The following DPPA2 variants were observed in gnomAD, a reference collection of about 807,000 sequenced individuals.
DPPA2 encodes developmental pluripotency associated 2.
In DPPA2, 26 loss-of-function variants were observed where a neutral mutation model predicts 36.2. The observed-to-expected ratio is 0.72, with a 90% CI of 0.53 to 1.00. The LOEUF (loss-of-function observed/expected upper bound fraction) is 1.00, where lower values mean the gene tolerates loss of function less well. Among genes scored for constraint, DPPA2 ranks in the 50% least tolerant of loss-of-function variants. The pLI, the probability that DPPA2 is intolerant of heterozygous loss-of-function variation, is 0.00. For synonymous variants in DPPA2, 113 were observed against 123.2 expected (o/e 0.92, Z 0.55); for missense variants, 361 against 365.1 (o/e 0.99, Z 0.09).
At chr3:109,302,127 G>A (rs1321075141) in intron 7 of DPPA2, among the ~76,000 whole-genome samples, 9 of 151,988 alleles carry the variant, frequency 5.9e-5, no homozygotes, top group South Asian at 2.1e-4. Context: ...CCACTGATAC[G>A]CTGATTATCT....
intron 7 of DPPA2, among the ~76,000 whole-genome samples, chr3:109,303,752 A>C (rs1707500297): frequency 6.6e-6 from 1 of 152,166 alleles, no homozygotes; most frequent in Non-Finnish European, 1.5e-5. Context: ...TTAAAAACTC[A>C]AATGTGTGTT....
intron 1 of DPPA2, among the ~76,000 whole-genome samples, chr3:109,315,906 T>C (rs1316558720): frequency 2.0e-5 from 3 of 151,752 alleles, no homozygotes; most frequent in Non-Finnish European, 4.4e-5. Context: ...AAGAAAAAAA[T>C]GTAGTCTGAA....
intron 5 of DPPA2, 68 bp downstream of exon 5, chr3:109,308,958 C>T (rs1157099864): frequency 4.6e-5 from 72 of 1,571,390 alleles, no homozygotes; most frequent in Middle Eastern, 1.9e-4. Flanking sequence ...AGATATGGTG[C>T]GACGGTAGGG....
At chr3:109,294,786 A>C (rs981887590) in intron 8 of DPPA2, among the ~76,000 whole-genome samples, 2 of 152,100 alleles carry the variant, frequency 1.3e-5, no homozygotes, top group Non-Finnish European at 2.9e-5. Context: ...CACTTTGGGA[A>C]ACCGAGGTGG....
rs1206597447 is a variant in DPPA2, at chr3:109,312,526, G to C, written c.181+19C>G. On this transcript the variant is annotated intron_variant, in intron 3 of 8. Transcript: ENST00000478945. ...CAGAGTTGTAGGAGTAACTAACTGA[G>C]CAATCCCTGTCCTCATACCTGGATT... 6.2e-7 allele frequency: 1 copy of C among 1,601,256 alleles called. No individual in the cohort carries two copies.
chr3:109,301,127 G>T (rs1248795002), intron 7 of DPPA2, among the ~76,000 whole-genome samples: 1 of 151,650 alleles, frequency 6.6e-6, no homozygotes, highest in Non-Finnish European at 1.5e-5. Context: ...GGGACCACAG[G>T]TGCATGCCAC....
At chr3:109,304,216 T>G (rs1707507602) in intron 7 of DPPA2, among the ~76,000 whole-genome samples, 1 of 151,336 alleles carries the variant, frequency 6.6e-6, no homozygotes, top group African/African-American at 2.4e-5. Context: ...GAGGTTGCAG[T>G]GAGCTGAGAT....
At chr3:109,294,273 G>A (rs764817411) in intron 8 of DPPA2, among the ~76,000 whole-genome samples, 2 of 152,116 alleles carry the variant, frequency 1.3e-5, no homozygotes, top group Non-Finnish European at 2.9e-5. Flanking sequence ...TGGTCTTCAG[G>A]CCAGTCTTTA....
chr3:109,305,606 C>G (rs1273566643), intron 6 of DPPA2, among the ~76,000 whole-genome samples: 1 of 152,042 alleles, frequency 6.6e-6, no homozygotes, highest in Non-Finnish European at 1.5e-5. Context: ...GAAACCCCAT[C>G]TCTACTAAAA....
chr3:109,304,844 C>T (rs1576819565), intron 6 of DPPA2, among the ~76,000 whole-genome samples, 174 bp from the exon 7 acceptor site: 1 of 152,254 alleles, frequency 6.6e-6, no homozygotes, highest in East Asian at 1.9e-4. Flanking sequence ...TTACATAACA[C>T]AAAGAATAGT....
intron 8 of DPPA2, among the ~76,000 whole-genome samples, chr3:109,299,051 T>C (rs1392618103): frequency 6.8e-6 from 1 of 147,330 alleles, no homozygotes; most frequent in African/African-American, 2.5e-5. Flanking sequence ...GTCTCAAAAA[T>C]AAACAAATTT....
At chr3:109,294,127 T>TTA (rs1309430135) in intron 8 of DPPA2, 123 bp from the exon 9 acceptor site, 1 of 152,162 alleles carries the variant, frequency 6.6e-6, no homozygotes, top group Admixed American at 6.6e-5. Context: ...AAACGTAACT[T>TTA]TTAATAGAGA....
chr3:109,313,401 G>C (rs1160845437), intron 2 of DPPA2, among the ~76,000 whole-genome samples: 3 of 152,126 alleles, frequency 2.0e-5, no homozygotes, highest in Non-Finnish European at 4.4e-5. Flanking sequence ...CAGAAACACA[G>C]CAGTCTACAC....
chr3:109,297,596 G>A (rs992189207), intron 8 of DPPA2, among the ~76,000 whole-genome samples: 15 of 151,256 alleles, frequency 9.9e-5, no homozygotes, highest in Non-Finnish European at 1.5e-4. Context: ...CAAACAATAC[G>A]AAATACTAAG....
At chr3:109,310,015 G>T (rs1285146806) in intron 3 of DPPA2, among the ~76,000 whole-genome samples, 1 of 151,564 alleles carries the variant, frequency 6.6e-6, no homozygotes, top group Non-Finnish European at 1.5e-5. Flanking sequence ...GATCACCTGG[G>T]AGTTTGAGAC....
At chr3:109,297,071 A>G (rs1169922843) in intron 8 of DPPA2, among the ~76,000 whole-genome samples, 1 of 150,156 alleles carries the variant, frequency 6.7e-6, no homozygotes, top group African/African-American at 2.5e-5. Context: ...TGGGTGAAAG[A>G]GCAAGACATT....
chr3:109,305,774 C>CAAA (rs35410330), intron 6 of DPPA2, among the ~76,000 whole-genome samples: 4 of 83,566 alleles, frequency 4.8e-5, no homozygotes, highest in African/African-American at 1.6e-4. Context: ...AACTCCATCT[C>CAAA]AAAAAAAAAA....
chr3:109,311,771 A>C (rs202169706), intron 3 of DPPA2, among the ~76,000 whole-genome samples: 2 of 152,058 alleles, frequency 1.3e-5, no homozygotes, highest in African/African-American at 4.8e-5. Flanking sequence ...AAGAAAAAAA[A>C]CACTTATTTG....
chr3:109,298,638 C>T (rs890232280), intron 8 of DPPA2, among the ~76,000 whole-genome samples: 5 of 150,690 alleles, frequency 3.3e-5, no homozygotes, highest in Non-Finnish European at 7.4e-5. Context: ...ATCGCTTGAA[C>T]CTGGGAGGCG....
Sources: allele counts gnomAD v4.1 joint callset (sites outside exome capture counted in the v4.1 genomes callset), GRCh38; gene constraint gnomAD v4.1.1; transcripts MANE v1.5; gene names NCBI Gene and HGNC (gene_info 2026-07-23, HGNC 2026-07-21).